Variants in DHX8 observed in about 807,000 individuals in gnomAD.
DHX8 encodes DEAH-box helicase 8.
A neutral mutation model predicts 140.7 loss-of-function variants in DHX8; 67 were observed. The observed-to-expected ratio is 0.48, with a 90% CI of 0.39 to 0.58. The LOEUF is 0.58. Among genes scored for constraint, DHX8 ranks in the 20% least tolerant of loss-of-function variants. The pLI is 0.00. For synonymous variants in DHX8, 533 were observed against 553.2 expected (o/e 0.96, Z 0.51); for missense variants, 887 against 1,550.7 (o/e 0.57, Z 7.19).
intron 2 of DHX8, among the ~76,000 whole-genome samples, chr17:43,535,939 C>T (rs151033131): frequency 0.016 from 2,362 of 152,236 alleles, 64 homozygotes; most frequent in African/African-American, 0.053. Flanking sequence ...GGTGAAACCC[C>T]ATCTCTACTA....
At chr17:43,497,755 A>T (rs1218286868) in intron 9 of DHX8, among the ~76,000 whole-genome samples, 2 of 146,844 alleles carry the variant, frequency 1.4e-5, no homozygotes, top group East Asian at 4.0e-4. Context: ...ACCCTGTCTT[A>T]AAAAAAAAAA....
chr17:43,538,017 C>G (rs904154728), intron 3 of DHX8, among the ~76,000 whole-genome samples: 14 of 151,834 alleles, frequency 9.2e-5, no homozygotes, highest in African/African-American at 3.4e-4. Flanking sequence ...GTAGTCCCAG[C>G]TAATCCTGAG....
chr17:43,501,961 C>T (rs376002210), intron 11 of DHX8, among the ~76,000 whole-genome samples: 4 of 152,234 alleles, frequency 2.6e-5, no homozygotes, highest in East Asian at 3.9e-4. Flanking sequence ...GAGGGATGTA[C>T]TTGAGAAAAG....
chr17:43,500,928 C>A lies in DHX8; in HGVS notation c.1546+825C>A, dbSNP rs1456135749. ...CCGTCTCAAAAAAAAAATTTTTATTCTAAAGGTAATACAGCTTTGAAGCTT... is the reference window on the plus strand; with the variant it reads ...CCGTCTCAAAAAAAAAATTTTTATTATAAAGGTAATACAGCTTTGAAGCTT... On this transcript the variant is annotated intron_variant, in intron 11 of 22. Coordinates refer to ENST00000262415, the MANE Select transcript of DHX8 (RefSeq NM_004941.3). Among the ~76,000 whole-genome samples the A allele has an allele frequency of 3.3e-5, 5 of 151,872 alleles. No individual in the cohort carries two copies. The East Asian group carries it at 9.6e-4, about 29-fold the overall frequency.
At chr17:43,508,217 TACTG>T in intron 15 of DHX8, 118 bp from the exon 16 acceptor site, 1 of 1,349,876 alleles carries the variant, frequency 7.4e-7, no homozygotes, top group Non-Finnish European at 1.0e-6. Context: ...ATTGTTTACT[TACTG>T]GTCAGAATAT....
downstream of DHX8, chr17:43,528,470 T>G (rs1012023602): frequency 1.6e-6 from 2 of 1,275,758 alleles, no homozygotes; most frequent in Non-Finnish European, 2.2e-6. Context: ...TTCATTTATA[T>G]GTACACAGGG....
chr17:43,533,026 G>C (rs774389731), intron 2 of DHX8: 37 of 1,508,846 alleles, frequency 2.5e-5, no homozygotes, highest in Non-Finnish European at 3.2e-5. Flanking sequence ...TTTAGAGTGG[G>C]CTCCGGAATG....
In DHX8 at chr17:43,520,188, CT is replaced by C. The variant is rs767400833; in HGVS notation, c.2861del (p.Leu954Ter). ...FDFMDAPPME[T>X]LITAMEQLYT... ...TTCATGGATGCCCCACCTATGGAAA[CT>C]TTGATCACAGCCATGGAGCAGCTGT... On this transcript the variant is annotated frameshift_variant, in exon 19 of 23. Transcript: ENST00000262415. LOFTEE classifies it high-confidence loss of function. 2 of 1,614,160 alleles carry C rather than the reference CT, an allele frequency of 1.2e-6. No homozygotes were observed. Among genetic ancestry groups the C allele is most frequent in the Non-Finnish European group, 1.7e-6 (2 of 1,180,022 alleles).
downstream of DHX8, chr17:43,529,087 C>G: frequency 6.3e-7 from 1 of 1,579,220 alleles, no homozygotes; most frequent in Non-Finnish European, 8.7e-7. Flanking sequence ...GTCAGCTTCT[C>G]ACAGCCACTG....
intron 2 of DHX8, chr17:43,533,428 AGGTCACAG>A: frequency 7.3e-7 from 1 of 1,375,454 alleles, no homozygotes. Flanking sequence ...TAGGAAAGCG[AGGTCACAG>A]GGATTACAGG....
intron 16 of DHX8, among the ~76,000 whole-genome samples, chr17:43,512,568 T>C (rs1969902512): frequency 6.6e-6 from 1 of 152,002 alleles, no homozygotes; most frequent in African/African-American, 2.4e-5. Context: ...GGAGGAGGCT[T>C]GAGTGGAAAG....
intron 10 of DHX8, 63 bp downstream of exon 10, chr17:43,499,022 G>C: frequency 7.8e-7 from 1 of 1,284,332 alleles, no homozygotes; most frequent in African/African-American, 1.5e-5. Context: ...AAAGTAATGG[G>C]TCAGGTTATT....
At chr17:43,516,997 AG>A (rs1970147393) in intron 17 of DHX8, among the ~76,000 whole-genome samples, 169 bp from the exon 18 acceptor site, 1 of 152,108 alleles carries the variant, frequency 6.6e-6, no homozygotes, top group Non-Finnish European at 1.5e-5. Flanking sequence ...GAGTATGGAG[AG>A]GGGAAGATAA....
chr17:43,509,694 G>A (rs1429647817), intron 16 of DHX8, among the ~76,000 whole-genome samples: 2 of 151,888 alleles, frequency 1.3e-5, no homozygotes, highest in Non-Finnish European at 2.9e-5. Context: ...TTGAGACAGA[G>A]TTTCACTCTT....
At chr17:43,510,268 G>A (rs967544301) in intron 16 of DHX8, among the ~76,000 whole-genome samples, 46 of 152,044 alleles carry the variant, frequency 3.0e-4, no homozygotes, top group African/African-American at 1.0e-3. Context: ...GGCTGGTCTC[G>A]AACTCCTGAC....
chr17:43,515,761 CAT>C (rs1037355476), intron 17 of DHX8, among the ~76,000 whole-genome samples: 23 of 152,106 alleles, frequency 1.5e-4, no homozygotes, highest in Non-Finnish European at 2.2e-4. Context: ...TGGAGAGAGA[CAT>C]GTGTAGAATG....
chr17:43,495,094 G>A lies in DHX8; in HGVS notation c.1213-1087G>A, dbSNP rs368783418. ...CTCCCAAAGTGCTGGGATTACAGGC[G>A]TGAGCCACTGTGCCCAGCCTATTGT... On this transcript the variant is annotated intron_variant, in intron 8 of 22. Transcript: ENST00000262415. Among the ~76,000 whole-genome samples the A allele has an allele frequency of 1.2e-4, 19 of 152,004 alleles. No homozygotes were observed. In the East Asian group the frequency reaches 2.5e-3, roughly 20 times the overall value.
At chr17:43,513,262 C>T (rs1040144846) in intron 16 of DHX8, 100 bp from the exon 17 acceptor site, 4 of 1,309,330 alleles carry the variant, frequency 3.1e-6, no homozygotes, top group African/African-American at 3.0e-5. Context: ...GAGAGATAGC[C>T]ACATATTCCT....
At chr17:43,495,534 T>C (rs559903638) in intron 8 of DHX8, among the ~76,000 whole-genome samples, 2 of 152,266 alleles carry the variant, frequency 1.3e-5, no homozygotes, top group East Asian at 1.9e-4. Flanking sequence ...TGTCTCAGCC[T>C]CCCAAAGTGT....
Sources: gnomAD v4.1 joint callset for allele counts (sites outside exome capture counted in the v4.1 genomes callset) on GRCh38, gnomAD v4.1.1 for gene constraint, MANE v1.5 for transcripts, NCBI Gene and HGNC (gene_info 2026-07-23, HGNC 2026-07-21) for gene names.